The following HIF1A variants were observed in gnomAD, a reference collection of about 807,000 sequenced individuals.
HIF1A encodes the protein hypoxia-inducible factor 1-alpha.
Under a neutral mutation model 92.7 loss-of-function variants are expected in HIF1A, and 24 were observed. The ratio of observed to expected loss-of-function variants is 0.26; its 90% CI spans 0.19 to 0.36. The LOEUF is 0.36. Ranked by LOEUF, HIF1A falls within the 10% of genes least tolerant of loss-of-function variation. The probability of loss-of-function intolerance (pLI) is 1.00; values close to 1 mark genes in which losing one functional copy is unlikely to be tolerated. For synonymous variants in HIF1A, 319 were observed against 338.7 expected (o/e 0.94, Z 0.64); for missense variants, 799 against 998.5 (o/e 0.80, Z 2.69).
intron 1 of HIF1A, among the ~76,000 whole-genome samples, chr14:61,714,627 G>A (rs2044343022): frequency 7.2e-6 from 1 of 139,596 alleles, no homozygotes; most frequent in Non-Finnish European, 1.6e-5. Context: ...ATTATAGTAT[G>A]TGTGTTAGCT....
At chr14:61,700,393 T>G (rs2044164660) in intron 1 of HIF1A, among the ~76,000 whole-genome samples, 1 of 152,190 alleles carries the variant, frequency 6.6e-6, no homozygotes, top group East Asian at 1.9e-4. Flanking sequence ...ATAAATAGAA[T>G]TATAGGGTTT....
At chr14:61,698,152 G>T (rs1230971356) in intron 1 of HIF1A, among the ~76,000 whole-genome samples, 1 of 152,220 alleles carries the variant, frequency 6.6e-6, no homozygotes, top group African/African-American at 2.4e-5. Context: ...AATCATTAAA[G>T]TAAAATTTCT....
At chr14:61,717,061 T>G (rs73331611) in intron 1 of HIF1A, 1 of 152,220 alleles carries the variant, frequency 6.6e-6, no homozygotes, top group Non-Finnish European at 1.5e-5. Context: ...TAGAGAAATA[T>G]AGTGACCTTA....
At chr14:61,742,686 G>A (rs2044727047) in intron 12 of HIF1A, among the ~76,000 whole-genome samples, 1 of 151,970 alleles carries the variant, frequency 6.6e-6, no homozygotes, top group Non-Finnish European at 1.5e-5. Context: ...AAGAGTTTCA[G>A]ACCAGCCTGG....
intron 1 of HIF1A, among the ~76,000 whole-genome samples, chr14:61,699,797 G>A (rs1168378817): frequency 6.6e-6 from 1 of 152,138 alleles, no homozygotes; most frequent in African/African-American, 2.4e-5. Context: ...TGGAAGGTTA[G>A]AAAGAGAATT....
chr14:61,718,911 A>C (rs903385760), intron 1 of HIF1A, among the ~76,000 whole-genome samples: 1 of 150,674 alleles, frequency 6.6e-6, no homozygotes, highest in African/African-American at 2.5e-5. Flanking sequence ...TCAAAGTTCA[A>C]TAACATGCTT....
intron 1 of HIF1A, among the ~76,000 whole-genome samples, chr14:61,719,743 C>T (rs1357956886): frequency 6.6e-6 from 1 of 152,126 alleles, no homozygotes; most frequent in Non-Finnish European, 1.5e-5. Context: ...CTTCCATATT[C>T]CTGCATTTAT....
chr14:61,744,263 G>A (rs1439449506), intron 12 of HIF1A, among the ~76,000 whole-genome samples: 3 of 152,004 alleles, frequency 2.0e-5, no homozygotes, highest in Non-Finnish European at 4.4e-5. Flanking sequence ...AGGTGCTCAC[G>A]CCTGTAATCC....
At chr14:61,713,767 A>C (rs10459450) in intron 1 of HIF1A, among the ~76,000 whole-genome samples, 1 of 152,062 alleles carries the variant, frequency 6.6e-6, no homozygotes, top group Admixed American at 6.5e-5. Context: ...TGAGAATCCC[A>C]ACTTTTGAAG....
At chr14:61,724,931 G>T (rs1050515881) in intron 4 of HIF1A, among the ~76,000 whole-genome samples, 5 of 152,160 alleles carry the variant, frequency 3.3e-5, no homozygotes, top group Non-Finnish European at 7.4e-5. Flanking sequence ...ACAGCCCTCC[G>T]TGGTACAGCC....
At chr14:61,746,393 T>TTTTC (rs1161423026) in intron 14 of HIF1A, among the ~76,000 whole-genome samples, 1,714 of 33,312 alleles carry the variant, frequency 0.051, 28 homozygotes, top group Non-Finnish European at 0.16. Flanking sequence ...TTATGACTTC[T>TTTTC]TTTTTTTTTT....
At chr14:61,707,603 G>A (rs7158929) in intron 1 of HIF1A, among the ~76,000 whole-genome samples, 151,420 of 151,740 alleles carry the variant, frequency 1, 75,551 homozygotes, top group Middle Eastern at 1. Flanking sequence ...GATGGTTTCC[G>A]GCTTCATCCA....
chr14:61,735,635 T>G (rs1163649079), intron 8 of HIF1A, among the ~76,000 whole-genome samples: 2 of 152,236 alleles, frequency 1.3e-5, no homozygotes, highest in African/African-American at 2.4e-5. Flanking sequence ...TCATTTCAGA[T>G]AGTGAACATT....
Position 61,695,830 on chromosome 14 carries a change from A to G in HIF1A, c.26A>G (p.Asp9Gly). 2 of 1,592,690 alleles carry G rather than the reference A, an allele frequency of 1.3e-6. No homozygotes were observed. Among genetic ancestry groups the G allele is most frequent in the Non-Finnish European group, 1.7e-6 (2 of 1,171,070 alleles). Residue 9 changes from aspartate to glycine, a missense_variant, in exon 1 of 15, where the codon GAC becomes GGC. Asp to Gly is a moderately conservative substitution (Grantham distance 94, BLOSUM62 -1). Around this residue, in one of 2 missense-constraint regions of HIF1A, gnomAD observed 516 missense variants for 721.0 expected, o/e 0.72. Transcript: ENST00000337138. Reference protein sequence around the residue: MEGAGGANDKKKISSERRK... With the variant: MEGAGGANGKKKISSERRK... ...ATGGAGGGCGCCGGCGGCGCGAACG[A>G]CAAGAAAAAGTAAGCCCATTCCCTC...
In HIF1A at chr14:61,721,546, G is replaced by T. The variant is rs1278473441; in HGVS notation, c.264G>T (p.Met88Ile). The part of the protein sequence containing the change: ...LDIEDDMKAQ[M>I]NCFYLKALDG... Reference sequence around the variant, plus strand: ...TTGAAGATGACATGAAAGCACAGATGAATTGCTTTTATTTGAAAGCCTTGG... The same window carrying T: ...TTGAAGATGACATGAAAGCACAGATTAATTGCTTTTATTTGAAAGCCTTGG... The change falls in exon 3 of 15, where the codon ATG becomes ATT. Residue 88 changes from methionine to isoleucine, a missense_variant. Around this residue, in one of 2 missense-constraint regions of HIF1A, gnomAD observed 516 missense variants for 721.0 expected, o/e 0.72. Coordinates refer to ENST00000337138, the MANE Select transcript of HIF1A (RefSeq NM_001530.4). The T allele has an allele frequency of 1.9e-6, 3 of 1,612,680 alleles. No homozygotes were observed. The highest frequency in any genetic ancestry group is 1.7e-6 in the Non-Finnish European group (2 of 1,178,882).
At chr14:61,746,166 G>T (rs1163270937) in intron 14 of HIF1A, among the ~76,000 whole-genome samples, 1 of 149,320 alleles carries the variant, frequency 6.7e-6, no homozygotes, top group Non-Finnish European at 1.5e-5. Flanking sequence ...AGAGGTTGCA[G>T]TGAGCCAAGA....
intron 1 of HIF1A, among the ~76,000 whole-genome samples, chr14:61,706,768 C>G (rs2044243086): frequency 6.6e-6 from 1 of 152,120 alleles, no homozygotes; most frequent in Non-Finnish European, 1.5e-5. Context: ...TACAAGCACT[C>G]AGAAATGAAA....
At chr14:61,732,374 G>T in intron 6 of HIF1A, 44 bp from the exon 7 acceptor site, 1 of 1,312,776 alleles carries the variant, frequency 7.6e-7, no homozygotes, top group Non-Finnish European at 1.1e-6. Context: ...TTCTTTATCA[G>T]TGTCTCCCTT....
At chr14:61,712,556 A>G (rs189206850) in intron 1 of HIF1A, among the ~76,000 whole-genome samples, 30 of 150,130 alleles carry the variant, frequency 2.0e-4, no homozygotes, top group Admixed American at 1.5e-3. Context: ...ACAAAAGAAT[A>G]TAAGATTTTC....
Sources: gnomAD v4.1 joint callset for allele counts (sites outside exome capture counted in the v4.1 genomes callset) on GRCh38, gnomAD v4.1.1 for gene constraint, gnomAD v4.1.1 regional missense constraint, MANE v1.5 for transcripts, NCBI Gene and HGNC (gene_info 2026-07-23, HGNC 2026-07-21) for gene names.